DNAH14: variants seen among roughly 807,000 people sequenced by gnomAD.
DNAH14 encodes the protein dynein axonemal heavy chain 14, also known as axonemal beta dynein heavy chain 14.
In DNAH14, 478 loss-of-function variants were observed where a neutral mutation model predicts 520.9. The ratio of observed to expected loss-of-function variants is 0.92; its 90% CI spans 0.85 to 0.99. DNAH14 has a LOEUF of 0.99. Ranked by LOEUF, DNAH14 falls within the 50% of genes least tolerant of loss-of-function variation. The pLI is 0.00. For missense variants in DNAH14, 4,831 were observed against 5,234.5 expected, an observed-to-expected ratio of 0.92 and a Z score of 2.38; for synonymous variants, 1,581 against 1,757.2, an observed-to-expected ratio of 0.90 and a Z score of 2.51.
chr1:225,190,706 G>A (rs887899224), intron 37 of DNAH14, among the ~76,000 whole-genome samples: 1 of 151,974 alleles, frequency 6.6e-6, no homozygotes, highest in Non-Finnish European at 1.5e-5. Flanking sequence ...GTGTGTGTAT[G>A]CACAGAGAAA....
At chr1:225,295,423 C>G (rs2093986210) in intron 55 of DNAH14, among the ~76,000 whole-genome samples, 1 of 151,716 alleles carries the variant, frequency 6.6e-6, no homozygotes, top group Non-Finnish European at 1.5e-5. Flanking sequence ...TTTCCTGCAC[C>G]CCTAGGTTTT....
chr1:225,342,053 G>A (rs758796437), intron 69 of DNAH14, among the ~76,000 whole-genome samples: 9 of 151,956 alleles, frequency 5.9e-5, no homozygotes, highest in Admixed American at 2.6e-4. Flanking sequence ...ATTTATTTTC[G>A]AAGCTCTCTA....
At chr1:225,295,885 C>A (rs999305511) in intron 55 of DNAH14, among the ~76,000 whole-genome samples, 1 of 152,050 alleles carries the variant, frequency 6.6e-6, no homozygotes. Flanking sequence ...CCCTCTCTTC[C>A]TTTAGATATA....
chr1:225,190,689 A>T (rs1299626860), intron 37 of DNAH14, among the ~76,000 whole-genome samples: 1 of 152,048 alleles, frequency 6.6e-6, no homozygotes, highest in Non-Finnish European at 1.5e-5. Context: ...ACAAAGTGAC[A>T]TTAGAGGTGT....
At chr1:225,363,712 A>G (rs1474839734) in intron 75 of DNAH14, among the ~76,000 whole-genome samples, 2 of 151,974 alleles carry the variant, frequency 1.3e-5, no homozygotes, top group Non-Finnish European at 2.9e-5. Context: ...GTGGTGCAGT[A>G]TTTGCCTATA....
chr1:225,344,987 A>G (rs989049390), intron 69 of DNAH14, among the ~76,000 whole-genome samples: 12 of 152,116 alleles, frequency 7.9e-5, no homozygotes, highest in Middle Eastern at 3.2e-3. Context: ...TGCTGAGATT[A>G]CAGGTGTGAG....
intron 41 of DNAH14, among the ~76,000 whole-genome samples, chr1:225,209,363 C>T (rs889514302): frequency 2.0e-5 from 3 of 152,190 alleles, no homozygotes; most frequent in Middle Eastern, 3.4e-3. Flanking sequence ...TTTCCATGCT[C>T]CTGTACCTTT....
At chr1:225,323,037 G>A (rs182652928) in intron 62 of DNAH14, among the ~76,000 whole-genome samples, 1 of 152,284 alleles carries the variant, frequency 6.6e-6, no homozygotes, top group East Asian at 1.9e-4. Flanking sequence ...GCTCCCAAAA[G>A]TAGATGAGAA....
intron 10 of DNAH14, among the ~76,000 whole-genome samples, chr1:225,011,758 CTTTTTTTTTTTTTTTTTT>C (rs200216236): frequency 4.9e-5 from 4 of 82,156 alleles, no homozygotes; most frequent in African/African-American, 2.4e-4. Context: ...GCAACCTCTG[CTTTTTTTTTTTTTTTTTT>C]TTTTTTTTTT....
chr1:225,303,248 C>T lies in DNAH14; in HGVS notation c.8724C>T (p.Ser2908=), dbSNP rs1460839143. Residue 2908 remains serine, a synonymous_variant, in exon 57 of 86, where the codon AGC becomes AGT. Transcript: ENST00000682510. The stretch of plus-strand genomic sequence containing the variant: ...GTAGAGTGTATCCTTCTATGATTAG[C>T]TCCTGCACGATCGATTGGTATGAGA... ...QNCRVYPSMI[S]SCTIDWYERW... 6.4e-7 allele frequency: 1 copy of T among 1,551,430 alleles called. No homozygotes were observed. The highest frequency in any genetic ancestry group is 2.4e-5 in the East Asian group (1 of 40,932).
chr1:225,172,272 G>T (rs2082777246), intron 36 of DNAH14, among the ~76,000 whole-genome samples: 1 of 152,114 alleles, frequency 6.6e-6, no homozygotes, highest in African/African-American at 2.4e-5. Context: ...GGATAATCAG[G>T]CAGGAGAAGG....
rs1339881477 is a variant in DNAH14, at chr1:225,118,439, C to T, written c.4091+440C>T. On this transcript the variant is annotated intron_variant, in intron 25 of 85. Transcript: ENST00000682510. ...CCAGGCAATAATGACAAACTAGGTC[C>T]TTCCATTACACTGGTTCAATTTGCC... 2.0e-5 allele frequency among the ~76,000 whole-genome samples: 3 copies of T among 152,158 alleles called. No individual in the cohort carries two copies. The East Asian group carries it at 5.8e-4, about 29-fold the overall frequency.
intron 42 of DNAH14, among the ~76,000 whole-genome samples, chr1:225,235,650 C>T (rs1448173670): frequency 6.6e-6 from 1 of 152,126 alleles, no homozygotes; most frequent in East Asian, 1.9e-4. Flanking sequence ...TAGAATTCAG[C>T]TGTGAATCTG....
chr1:225,082,760 A>G lies in DNAH14; in HGVS notation c.3327+21A>G, dbSNP rs189535387. 3.3e-6 allele frequency: 5 copies of G among 1,532,298 alleles called. No homozygotes were observed. In the South Asian group the frequency reaches 6.3e-5, roughly 19 times the overall value. 94.9% of individuals were successfully genotyped at this position (1,532,298 alleles called of 1,614,324 possible). On this transcript the variant is annotated intron_variant, in intron 20 of 85. Transcript: ENST00000682510. The stretch of plus-strand genomic sequence containing the variant: ...TCAAGGTAAATAAAAATGGTTTTTT[A>G]AAAAAATAGGTTGAAATACCAGATG...
intron 67 of DNAH14, 54 bp downstream of exon 67, chr1:225,337,550 C>T: frequency 7.1e-7 from 1 of 1,405,730 alleles, no homozygotes. Flanking sequence ...ATGTTGTATG[C>T]ACTGAGCATA....
At chr1:225,184,817 G>A (rs2084485993) in intron 36 of DNAH14, among the ~76,000 whole-genome samples, 1 of 151,886 alleles carries the variant, frequency 6.6e-6, no homozygotes, top group African/African-American at 2.4e-5. Flanking sequence ...ATACTGAATA[G>A]GTGGAAGCTA....
intron 71 of DNAH14, 130 bp from the exon 72 acceptor site, chr1:225,351,514 TTTA>T: frequency 2.2e-6 from 1 of 458,902 alleles, no homozygotes; most frequent in Non-Finnish European, 3.7e-6. Flanking sequence ...AAAATATATT[TTTA>T]TTTCTATGAA....
intron 62 of DNAH14, among the ~76,000 whole-genome samples, chr1:225,323,237 G>A (rs1301820081): frequency 1.3e-5 from 2 of 152,184 alleles, no homozygotes; most frequent in African/African-American, 2.4e-5. Context: ...CTGGGGGACA[G>A]AAGGAAGAGG....
chr1:225,114,186 G>A (rs1466822881), intron 23 of DNAH14, among the ~76,000 whole-genome samples: 6 of 152,150 alleles, frequency 3.9e-5, no homozygotes, highest in Admixed American at 3.9e-4. Flanking sequence ...CCCAAGGGCT[G>A]TTTAGTTAGC....
Sources: allele counts gnomAD v4.1 joint callset (sites outside exome capture counted in the v4.1 genomes callset), GRCh38; gene constraint gnomAD v4.1.1; transcripts MANE v1.5; gene names NCBI Gene and HGNC (gene_info 2026-07-23, HGNC 2026-07-21).